Variants in SORCS3 observed in about 807,000 individuals in gnomAD.
The protein encoded by SORCS3 is VPS10 domain-containing receptor SorCS3.
Under a neutral mutation model 146.3 loss-of-function variants are expected in SORCS3, and 57 were observed. The observed-to-expected ratio is 0.39, with a 90% confidence interval of 0.31 to 0.49. SORCS3 has a LOEUF of 0.49. SORCS3 is among the 20% of genes least tolerant of loss of function. The pLI is 0.92. For missense variants in SORCS3, 1,341 were observed against 1,575.5 expected, an observed-to-expected ratio of 0.85 and a Z score of 2.52; for synonymous variants, 653 against 618.5, an observed-to-expected ratio of 1.06 and a Z score of -0.83.
At chr10:104,837,338 T>C (rs1026256601) in intron 1 of SORCS3, among the ~76,000 whole-genome samples, 4 of 152,240 alleles carry the variant, frequency 2.6e-5, no homozygotes, top group African/African-American at 9.6e-5. Context: ...AATAGTTATA[T>C]GTACCTATAT....
At chr10:104,753,089 C>T (rs141423436) in intron 1 of SORCS3, among the ~76,000 whole-genome samples, 1 of 152,214 alleles carries the variant, frequency 6.6e-6, no homozygotes, top group East Asian at 1.9e-4. Context: ...AGTATGTTCA[C>T]TCTATTGACT....
chr10:105,210,510 C>G (rs2056626966), intron 16 of SORCS3, among the ~76,000 whole-genome samples: 1 of 152,004 alleles, frequency 6.6e-6, no homozygotes, highest in African/African-American at 2.4e-5. Flanking sequence ...AGGGGACCTC[C>G]TTTTCTACAC....
chr10:104,987,340 T>C (rs1357890541), intron 4 of SORCS3, among the ~76,000 whole-genome samples: 1 of 152,198 alleles, frequency 6.6e-6, no homozygotes, highest in African/African-American at 2.4e-5. Flanking sequence ...GCATACCATT[T>C]CTTTTCCAAA....
intron 1 of SORCS3, among the ~76,000 whole-genome samples, chr10:104,663,771 G>C (rs562151660): frequency 1.3e-5 from 2 of 152,250 alleles, no homozygotes; most frequent in East Asian, 1.9e-4. Flanking sequence ...ACACATGCAT[G>C]CTGCTGCTGA....
intron 1 of SORCS3, among the ~76,000 whole-genome samples, chr10:104,807,331 A>G (rs1045233502): frequency 1.3e-5 from 2 of 152,150 alleles, no homozygotes; most frequent in East Asian, 1.9e-4. Context: ...TCCTTGGCCC[A>G]TGGAGAGGTC....
chr10:104,650,646 T>A (rs2015547591), intron 1 of SORCS3, among the ~76,000 whole-genome samples: 1 of 152,250 alleles, frequency 6.6e-6, no homozygotes, highest in Non-Finnish European at 1.5e-5. Context: ...CTTGCTCTCT[T>A]GTATCTGGTG....
At chr10:105,258,565 T>C (rs960590874) in intron 25 of SORCS3, among the ~76,000 whole-genome samples, 3 of 152,174 alleles carry the variant, frequency 2.0e-5, no homozygotes, top group Non-Finnish European at 4.4e-5. Context: ...TTTTGTGGCT[T>C]TTGTGTCAGG....
chr10:104,864,204 C>T (rs1314203343), intron 2 of SORCS3, among the ~76,000 whole-genome samples: 6 of 151,882 alleles, frequency 4.0e-5, no homozygotes, highest in African/African-American at 1.5e-4. Context: ...GCTATCTTGC[C>T]CAGAGGTGTC....
intron 1 of SORCS3, among the ~76,000 whole-genome samples, chr10:104,647,019 T>C (rs2015503755): frequency 6.6e-6 from 1 of 152,110 alleles, no homozygotes; most frequent in South Asian, 2.1e-4. Flanking sequence ...TCAAGTCTCA[T>C]CAAGCAGAGG....
chr10:105,221,299 A>G (rs539432436), intron 19 of SORCS3, among the ~76,000 whole-genome samples: 80 of 152,308 alleles, frequency 5.3e-4, no homozygotes, highest in African/African-American at 1.7e-3. Flanking sequence ...AAAATTACCT[A>G]TGACACAGAA....
At chr10:105,250,187 A>G (rs549721283) in intron 22 of SORCS3, among the ~76,000 whole-genome samples, 99 of 152,166 alleles carry the variant, frequency 6.5e-4, no homozygotes, top group Non-Finnish European at 6.9e-4. Context: ...AATCCCATTC[A>G]TGAGGGCTCC....
intron 3 of SORCS3, among the ~76,000 whole-genome samples, chr10:104,921,921 G>A (rs1046898506): frequency 1.3e-5 from 2 of 152,108 alleles, no homozygotes; most frequent in Admixed American, 6.5e-5. Flanking sequence ...AGGAGGAGGG[G>A]AATATTACAT....
At chr10:104,724,895 A>G (rs144921577) in intron 1 of SORCS3, among the ~76,000 whole-genome samples, 3 of 152,054 alleles carry the variant, frequency 2.0e-5, no homozygotes, top group Non-Finnish European at 4.4e-5. Context: ...TTTTCAAGGT[A>G]TTTAACTTCT....
At chr10:105,154,069 G>GAAAAAAAAAAAA (rs59868914) in intron 9 of SORCS3, among the ~76,000 whole-genome samples, 1 of 76,156 alleles carries the variant, frequency 1.3e-5, no homozygotes, top group South Asian at 5.5e-4. Flanking sequence ...GACTCCATCT[G>GAAAAAAAAAAAA]AAAAAAAAAA....
intron 5 of SORCS3, among the ~76,000 whole-genome samples, chr10:105,085,929 C>T (rs1359042113): frequency 6.6e-6 from 1 of 152,130 alleles, no homozygotes; most frequent in Non-Finnish European, 1.5e-5. Flanking sequence ...TTCTGTTTCT[C>T]TCTGTCTTTT....
At chr10:104,914,874 C>T (rs1278620491) in intron 2 of SORCS3, among the ~76,000 whole-genome samples, 2 of 152,120 alleles carry the variant, frequency 1.3e-5, no homozygotes, top group African/African-American at 4.8e-5. Context: ...AGAGAAAATG[C>T]ATTGACCTCT....
intron 1 of SORCS3, among the ~76,000 whole-genome samples, chr10:104,723,787 A>G (rs565275718): frequency 5.6e-4 from 86 of 152,296 alleles, no homozygotes; most frequent in African/African-American, 2.0e-3. Flanking sequence ...ATCAGAGACT[A>G]GGATTGCAAC....
chr10:105,223,077 C>A, intron 19 of SORCS3, 39 bp from the exon 20 acceptor site: 3 of 1,562,584 alleles, frequency 1.9e-6, no homozygotes, highest in Non-Finnish European at 2.6e-6. Flanking sequence ...TGACCACATC[C>A]AGAATATAAA....
intron 3 of SORCS3, among the ~76,000 whole-genome samples, chr10:104,955,244 G>C (rs11192249): frequency 0.19 from 29,058 of 151,772 alleles, 3,367 homozygotes; most frequent in African/African-American, 0.32. Context: ...CCCTATTCTG[G>C]ATATTTCATA....
Sources: gnomAD v4.1 joint callset for allele counts (sites outside exome capture counted in the v4.1 genomes callset) on GRCh38, gnomAD v4.1.1 for gene constraint, MANE v1.5 for transcripts, NCBI Gene and HGNC (gene_info 2026-07-23, HGNC 2026-07-21) for gene names.